The following CCNJL variants were observed in gnomAD, a reference collection of about 807,000 sequenced individuals.
CCNJL encodes cyclin J like, also known as cyclin-J-like protein.
Under a neutral mutation model 33.4 loss-of-function variants are expected in CCNJL, and 33 were observed. The observed-to-expected ratio is 0.99, with a 90% CI of 0.75 to 1.32. The LOEUF is 1.32. Among genes scored for constraint, CCNJL ranks in the 40% most tolerant of loss-of-function variants. CCNJL has a pLI of 0.00. For missense variants in CCNJL, 512 were observed against 499.7 expected, an observed-to-expected ratio of 1.02 and a Z score of -0.23; for synonymous variants, 227 against 220.9, an observed-to-expected ratio of 1.03 and a Z score of -0.24.
chr5:160,298,948 T>C (rs1183198429), intron 2 of CCNJL, among the ~76,000 whole-genome samples: 1 of 152,042 alleles, frequency 6.6e-6, no homozygotes, highest in Non-Finnish European at 1.5e-5. Flanking sequence ...GAGAGTAAAA[T>C]ACTTGAGAAC....
At chr5:160,311,804 A>T in intron 2 of CCNJL, 54 bp downstream of exon 2, 1 of 1,545,210 alleles carries the variant, frequency 6.5e-7, no homozygotes, top group Non-Finnish European at 8.9e-7. Flanking sequence ...CGAAGTCGAG[A>T]CCGAAGGAGA....
intron 2 of CCNJL, among the ~76,000 whole-genome samples, chr5:160,293,197 T>A (rs1384082404): frequency 6.6e-6 from 1 of 152,190 alleles, no homozygotes; most frequent in East Asian, 1.9e-4. Context: ...GGCAGGCAGA[T>A]TACCTGAGGT....
At chr5:160,306,983 G>A (rs567410921) in intron 2 of CCNJL, among the ~76,000 whole-genome samples, 2 of 152,212 alleles carry the variant, frequency 1.3e-5, no homozygotes, top group Non-Finnish European at 2.9e-5. Context: ...AGCTGGGGTG[G>A]CATCCTCCAT....
intron 3 of CCNJL, among the ~76,000 whole-genome samples, chr5:160,274,470 C>A (rs1310187003): frequency 6.6e-6 from 1 of 151,594 alleles, no homozygotes; most frequent in South Asian, 2.1e-4. Flanking sequence ...AAAAAAAAAA[C>A]AATCTGTAGT....
intron 2 of CCNJL, among the ~76,000 whole-genome samples, chr5:160,296,606 C>T (rs373660314): frequency 2.0e-5 from 3 of 152,296 alleles, no homozygotes; most frequent in East Asian, 1.9e-4. Context: ...CTTCCCATTG[C>T]CCTCCATGGG....
intron 1 of CCNJL, among the ~76,000 whole-genome samples, chr5:160,324,766 A>G (rs148677481): frequency 6.6e-6 from 1 of 152,322 alleles, no homozygotes; most frequent in East Asian, 1.9e-4. Context: ...ACTATCTGTC[A>G]TATGTATTTC....
chr5:160,315,198 G>A (rs1018870634), upstream of CCNJL, among the ~76,000 whole-genome samples: 1 of 152,138 alleles, frequency 6.6e-6, no homozygotes, highest in Non-Finnish European at 1.5e-5. Context: ...AAACTGGGCT[G>A]GGCACGGTGG....
intron 1 of CCNJL, among the ~76,000 whole-genome samples, chr5:160,338,826 C>T (rs55637915): frequency 0.043 from 6,513 of 152,124 alleles, 193 homozygotes; most frequent in Non-Finnish European, 0.062. Flanking sequence ...AAGTCTGGCT[C>T]TGTCACCCAG....
chr5:160,288,900 T>TACTACTAG (rs1187300495), intron 2 of CCNJL, among the ~76,000 whole-genome samples: 2 of 149,862 alleles, frequency 1.3e-5, no homozygotes, highest in Non-Finnish European at 3.0e-5. Flanking sequence ...CAGACAGAAG[T>TACTACTAG]ACTACTAGGT....
In CCNJL at chr5:160,253,574, G is replaced by C. The variant is rs187903121; in HGVS notation, c.968C>G (p.Ser323Trp). 2 of 1,614,146 alleles carry C rather than the reference G, an allele frequency of 1.2e-6. No individual in the cohort carries two copies. The highest frequency in any genetic ancestry group is 4.5e-5 in the East Asian group (2 of 44,880). ...GTGGAGGGATGAGCCTGTACTCCCC[G>C]AGAGCAGGCTCCCTGAACGGTGGGC... ...LQAHRSGSLL[S>W]GSTGSSLHTP... Residue 323 changes from serine to tryptophan, a missense_variant, in exon 6 of 6, where the codon TCG (serine) becomes TGG (tryptophan). Coordinates refer to ENST00000257536, the MANE Select transcript of CCNJL (RefSeq NM_001308173.3).
At chr5:160,326,781 G>A (rs752379551) in intron 1 of CCNJL, 56 of 881,388 alleles carry the variant, frequency 6.4e-5, no homozygotes, top group Non-Finnish European at 9.1e-5. Context: ...AAAATAGATC[G>A]CAGATTCAGG....
chr5:160,333,048 G>A lies in CCNJL; in HGVS notation n.206+6397C>T, dbSNP rs534460794. Among the ~76,000 whole-genome samples the A allele has an allele frequency of 5.9e-5, 9 of 152,180 alleles. 1 individual carries two copies. The South Asian group carries it at 1.9e-3, about 32-fold the overall frequency. On this transcript the variant is annotated intron_variant and non_coding_transcript_variant, in intron 1 of 7. Transcript: ENST00000377503. ...ATCTGTAATCCCAGCACTTTGGGATGCCAAAACAGCAGGATTGCTTGAGCT... is the reference window on the plus strand; with the variant it reads ...ATCTGTAATCCCAGCACTTTGGGATACCAAAACAGCAGGATTGCTTGAGCT...
intron 3 of CCNJL, among the ~76,000 whole-genome samples, chr5:160,272,118 A>C (rs961058711): frequency 6.6e-6 from 1 of 152,230 alleles, no homozygotes; most frequent in African/African-American, 2.4e-5. Flanking sequence ...TAACTTCTCC[A>C]GGCTAGGAAG....
At chr5:160,320,163 G>A (rs991199989) in intron 1 of CCNJL, among the ~76,000 whole-genome samples, 5 of 152,290 alleles carry the variant, frequency 3.3e-5, no homozygotes, top group Non-Finnish European at 5.9e-5. Context: ...ACTGTTGTAT[G>A]ACATGAAGAA....
rs532277248 is a variant in CCNJL, at chr5:160,275,376, G to A, written c.280+5149C>T. 1.9e-4 allele frequency among the ~76,000 whole-genome samples: 29 copies of A among 152,232 alleles called. 1 individual carries two copies. Among genetic ancestry groups the A allele is most frequent in the East Asian group, 1.4e-3 (7 of 5,162 alleles). Reference sequence around the variant, plus strand: ...GCTGGGGTAACAGGCTTGAGTCACCGTGCCCGGCTGAGGTCTGGAAGGATT... The same window carrying A: ...GCTGGGGTAACAGGCTTGAGTCACCATGCCCGGCTGAGGTCTGGAAGGATT... On this transcript the variant is annotated intron_variant, in intron 3 of 5. Transcript: ENST00000257536.
chr5:160,338,351 G>A (rs1343435595), intron 1 of CCNJL, among the ~76,000 whole-genome samples: 13 of 152,104 alleles, frequency 8.5e-5, no homozygotes, highest in Non-Finnish European at 1.6e-4. Context: ...CTGAGATCAC[G>A]CCACTGCACT....
chr5:160,336,483 A>G (rs116644951), intron 1 of CCNJL, among the ~76,000 whole-genome samples: 1,897 of 152,340 alleles, frequency 0.012, 42 homozygotes, highest in African/African-American at 0.043. Flanking sequence ...AAGGAACAGA[A>G]TCCAACCAAG....
At chr5:160,270,874 T>C (rs1761810094) in intron 3 of CCNJL, among the ~76,000 whole-genome samples, 1 of 152,192 alleles carries the variant, frequency 6.6e-6, no homozygotes, top group Non-Finnish European at 1.5e-5. Flanking sequence ...TTCCAGAACG[T>C]AGGTCTGCTC....
chr5:160,319,470 A>G (rs1763414901), intron 1 of CCNJL, among the ~76,000 whole-genome samples: 1 of 152,144 alleles, frequency 6.6e-6, no homozygotes. Flanking sequence ...CCTACTTCCC[A>G]AATAATTATC....
Sources: allele counts gnomAD v4.1 joint callset (sites outside exome capture counted in the v4.1 genomes callset), GRCh38; gene constraint gnomAD v4.1.1; transcripts MANE v1.5; gene names NCBI Gene and HGNC (gene_info 2026-07-23, HGNC 2026-07-21).